The following DIAPH2 variants were observed in gnomAD, a reference collection of about 807,000 sequenced individuals.
The protein encoded by DIAPH2 is diaphanous related formin 2, also known as protein diaphanous homolog 2.
In DIAPH2, 35 loss-of-function variants were observed where a neutral mutation model predicts 92.7. The observed-to-expected ratio is 0.38, with a 90% CI of 0.29 to 0.50. DIAPH2 has a LOEUF of 0.50. DIAPH2 is among the 20% of genes least tolerant of loss of function. DIAPH2 has a pLI of 0.94. For missense variants in DIAPH2, 701 were observed against 819.5 expected (o/e 0.86, Z 1.77); for synonymous variants, 301 against 280.4 (o/e 1.07, Z -0.73).
intron 24 of DIAPH2, 124 bp from the exon 25 acceptor site, chrX:97,383,785 G>GA: frequency 1.7e-6 from 1 of 577,671 alleles, no homozygotes. Flanking sequence ...ATAAGTAATG[G>GA]AAAGGTTTTT....
intron 19 of DIAPH2, among the ~76,000 whole-genome samples, chrX:97,097,639 T>G (rs894765608): frequency 8.9e-6 from 1 of 111,963 alleles, no homozygotes; most frequent in Non-Finnish European, 1.9e-5. Flanking sequence ...AAAATTGAGG[T>G]GGAGATTTTT....
chrX:97,058,463 T>C (rs1602311679), intron 17 of DIAPH2, among the ~76,000 whole-genome samples: 1 of 58,248 alleles, frequency 1.7e-5, no homozygotes, highest in East Asian at 5.1e-4. Context: ...CTTCTGGTCT[T>C]TTTTTTTTTT....
intron 26 of DIAPH2, among the ~76,000 whole-genome samples, chrX:97,552,331 C>T (rs2071225880): frequency 9.0e-6 from 1 of 111,437 alleles, no homozygotes; most frequent in Non-Finnish European, 1.9e-5. Context: ...GTCAAGAAGT[C>T]AACATAGGAA....
At chrX:96,691,232 T>C (rs1307804244) in intron 1 of DIAPH2, among the ~76,000 whole-genome samples, 1 of 111,578 alleles carries the variant, frequency 9.0e-6, no homozygotes, top group Non-Finnish European at 1.9e-5. Flanking sequence ...CAGTCTACCA[T>C]GCAGAAGAAA....
intron 15 of DIAPH2, among the ~76,000 whole-genome samples, chrX:96,956,755 A>G (rs1258516930): frequency 1.8e-5 from 2 of 111,656 alleles, no homozygotes; most frequent in Non-Finnish European, 3.8e-5. Flanking sequence ...TTTATTGTTT[A>G]TATCATTATC....
At chrX:96,986,564 A>G (rs1268500143) in intron 17 of DIAPH2, among the ~76,000 whole-genome samples, 1 of 111,557 alleles carries the variant, frequency 9.0e-6, no homozygotes, top group Non-Finnish European at 1.9e-5. Flanking sequence ...TATTTTACTT[A>G]TCACATTGAA....
chrX:96,995,922 G>C (rs1204569265), intron 17 of DIAPH2, among the ~76,000 whole-genome samples: 1 of 108,681 alleles, frequency 9.2e-6, no homozygotes, highest in African/African-American at 3.4e-5. Context: ...AAAGCAGATA[G>C]TCCTATTTAA....
chrX:97,521,748 C>A (rs1358121343), intron 26 of DIAPH2, among the ~76,000 whole-genome samples: 2 of 111,582 alleles, frequency 1.8e-5, no homozygotes, highest in East Asian at 5.6e-4. Context: ...GCCTCCCCAG[C>A]CTTGGGGAAC....
chrX:97,274,106 G>T (rs749712045), intron 23 of DIAPH2, among the ~76,000 whole-genome samples: 1 of 99,168 alleles, frequency 1.0e-5, no homozygotes, highest in African/African-American at 3.6e-5. Context: ...TCTCTAAAGT[G>T]CATGAATTAA....
intron 17 of DIAPH2, among the ~76,000 whole-genome samples, chrX:96,981,970 C>T (rs909271229): frequency 2.7e-5 from 3 of 111,781 alleles, no homozygotes; most frequent in African/African-American, 9.8e-5. Flanking sequence ...AGTATTAATA[C>T]ATTTCTATTA....
chrX:97,188,203 A>G, intron 22 of DIAPH2, among the ~76,000 whole-genome samples: 1 of 112,199 alleles, frequency 8.9e-6, no homozygotes, highest in Non-Finnish European at 1.9e-5. Flanking sequence ...GATAACCAAA[A>G]TCTGTGCTTT....
chrX:97,320,219 C>T (rs989202941), intron 23 of DIAPH2, among the ~76,000 whole-genome samples: 2 of 108,885 alleles, frequency 1.8e-5, no homozygotes, highest in African/African-American at 6.7e-5. Context: ...TACTTTGTAA[C>T]CAAAAAAGCA....
chrX:96,756,110 C>T (rs1435634987), intron 3 of DIAPH2, among the ~76,000 whole-genome samples: 1 of 111,827 alleles, frequency 8.9e-6, no homozygotes, highest in Admixed American at 9.5e-5. Context: ...AAGTGATCCT[C>T]CTTCTTGGGC....
chrX:97,246,156 C>T (rs1034557260), intron 22 of DIAPH2, among the ~76,000 whole-genome samples: 6 of 108,501 alleles, frequency 5.5e-5, no homozygotes, highest in African/African-American at 2.0e-4. Flanking sequence ...TCAGGTAATC[C>T]GCCCACCTCA....
chrX:96,939,357 C>T lies in DIAPH2; in HGVS notation c.1300C>T (p.Leu434Phe). ...YFLSILQHFL[L>F]IRNDYYIRPQ... ...CTTATCTATTCTACAACATTTTTTG[C>T]TTATCAGAAATGATTATTATATCAG... is the stretch of plus-strand genomic sequence containing the variant. The change falls in exon 12 of 27, where the codon CTT becomes TTT. Residue 434 changes from leucine to phenylalanine, a missense_variant. Physicochemically the swap from Leu to Phe is conservative, Grantham distance 22. Around this residue, in one of 3 missense-constraint regions of DIAPH2, gnomAD observed 536 missense variants for 599.3 expected, o/e 0.89. Coordinates refer to ENST00000324765, the MANE Select transcript of DIAPH2 (RefSeq NM_006729.5). 1 of 1,096,745 alleles carries T rather than the reference C, an allele frequency of 9.1e-7. No homozygotes were observed. The highest frequency in any genetic ancestry group is 1.3e-6 in the Non-Finnish European group (1 of 799,165). 90.4% of individuals were successfully genotyped at this position (1,096,745 alleles called of 1,213,427 possible).
intron 22 of DIAPH2, among the ~76,000 whole-genome samples, chrX:97,244,552 T>C (rs1347277782): frequency 8.9e-6 from 1 of 112,141 alleles, no homozygotes; most frequent in African/African-American, 3.2e-5. Context: ...ATTTAGGTTT[T>C]ACATAACTTG....
At chrX:96,838,843 C>T (rs2064916455) in intron 4 of DIAPH2, among the ~76,000 whole-genome samples, 1 of 111,940 alleles carries the variant, frequency 8.9e-6, no homozygotes, top group African/African-American at 3.2e-5. Context: ...AGCCTAGAGG[C>T]ATGTTTCTAG....
chrX:97,246,100 G>C (rs1353119851), intron 22 of DIAPH2, among the ~76,000 whole-genome samples: 1 of 103,379 alleles, frequency 9.7e-6, no homozygotes, highest in Non-Finnish European at 2.0e-5. Flanking sequence ...TTTTGGTAGA[G>C]ACAGGGTTTC....
At chrX:97,194,480 T>G (rs1161398123) in intron 22 of DIAPH2, among the ~76,000 whole-genome samples, 2 of 109,713 alleles carry the variant, frequency 1.8e-5, no homozygotes, top group Admixed American at 9.9e-5. Context: ...GAGACGGGGT[T>G]TCACTGTGTT....
Sources: allele counts gnomAD v4.1 joint callset (sites outside exome capture counted in the v4.1 genomes callset), GRCh38; gene constraint gnomAD v4.1.1; regional missense constraint gnomAD v4.1.1; transcripts MANE v1.5; gene names NCBI Gene and HGNC (gene_info 2026-07-23, HGNC 2026-07-21).